GAS7: variants seen among roughly 807,000 people sequenced by gnomAD.
The protein encoded by GAS7 is growth arrest specific 7, also known as growth arrest-specific protein 7.
In GAS7, 28 loss-of-function variants were observed where a neutral mutation model predicts 71.1. The ratio of observed to expected loss-of-function variants is 0.39; its 90% CI spans 0.29 to 0.54. GAS7 has a LOEUF of 0.54. Ranked by LOEUF, GAS7 falls within the 20% of genes least tolerant of loss-of-function variation. GAS7 has a pLI of 0.62. For missense variants in GAS7, 436 were observed against 627.8 expected, an observed-to-expected ratio of 0.69 and a Z score of 3.27; for synonymous variants, 258 against 245.8, an observed-to-expected ratio of 1.05 and a Z score of -0.46.
rs543470653 is a variant in GAS7, at chr17:10,170,745, G to A, written c.183+27463C>T. 7.2e-5 allele frequency among the ~76,000 whole-genome samples: 11 copies of A among 152,316 alleles called. No individual in the cohort carries two copies. In the South Asian group the frequency reaches 1.9e-3, roughly 26 times the overall value. On this transcript the variant is annotated intron_variant, in intron 1 of 13. Transcript: ENST00000432992. The stretch of plus-strand genomic sequence containing the variant: ...GCCCTGCACACGGCTGGCACTGAAC[G>A]AGCGTTTGTTCAGTGAATGAGCCCC...
At chr17:10,163,669 G>A (rs930796513) in intron 1 of GAS7, among the ~76,000 whole-genome samples, 2 of 152,018 alleles carry the variant, frequency 1.3e-5, no homozygotes, top group Non-Finnish European at 2.9e-5. Context: ...CATACTTTGA[G>A]TGCTGACAAG....
At chr17:10,125,985 G>A (rs964771297) in intron 1 of GAS7, among the ~76,000 whole-genome samples, 4 of 152,136 alleles carry the variant, frequency 2.6e-5, no homozygotes, top group African/African-American at 9.7e-5. Flanking sequence ...TGACCACCAC[G>A]GGTGCAACCC....
intron 2 of GAS7, among the ~76,000 whole-genome samples, chr17:10,004,521 C>G (rs1262111219): frequency 6.6e-6 from 1 of 152,120 alleles, no homozygotes; most frequent in African/African-American, 2.4e-5. Context: ...CACACAAGCC[C>G]CAGAATGGCA....
At chr17:9,920,182 AGTGTGTGT>A (rs59320661) in intron 11 of GAS7, among the ~76,000 whole-genome samples, 9 of 141,050 alleles carry the variant, frequency 6.4e-5, no homozygotes, top group Non-Finnish European at 1.3e-4. Context: ...AGATCATGTA[AGTGTGTGT>A]GTGTGTGTGT....
intron 1 of GAS7, among the ~76,000 whole-genome samples, chr17:10,182,579 C>T (rs906684285): frequency 1.3e-5 from 2 of 152,208 alleles, no homozygotes; most frequent in African/African-American, 2.4e-5. Flanking sequence ...TTGGGGTTCA[C>T]CCTGTGACAG....
At chr17:10,141,763 A>G (rs2142097560) in intron 1 of GAS7, among the ~76,000 whole-genome samples, 1 of 152,290 alleles carries the variant, frequency 6.6e-6, no homozygotes, top group South Asian at 2.1e-4. Flanking sequence ...TATGATAGAT[A>G]CCATACAATG....
rs192504741 is a variant in GAS7, at chr17:10,074,190, C to T, written c.184-54293G>A. ...TGGGAGGGGGGTGCTGCCCAAAGGT[C>T]ATCGTAAGGACAGGCTTTCTCCTTG... On this transcript the variant is annotated intron_variant, in intron 1 of 13. Coordinates refer to ENST00000432992, the MANE Select transcript of GAS7 (RefSeq NM_201433.2). Among the ~76,000 whole-genome samples the T allele has an allele frequency of 1.7e-4, 26 of 152,308 alleles. No individual in the cohort carries two copies. The East Asian group carries it at 4.6e-3, about 27-fold the overall frequency.
intron 1 of GAS7, among the ~76,000 whole-genome samples, chr17:10,020,314 G>A (rs1166173031): frequency 6.6e-6 from 1 of 152,182 alleles, no homozygotes; most frequent in Non-Finnish European, 1.5e-5. Context: ...CCCCAGGCTT[G>A]CTGTGCAAAC....
intron 1 of GAS7, among the ~76,000 whole-genome samples, chr17:10,185,286 G>A (rs114754679): frequency 6.6e-6 from 1 of 152,146 alleles, no homozygotes; most frequent in African/African-American, 2.4e-5. Flanking sequence ...GGAGGTGCTA[G>A]GAGAGTCCAG....
At chr17:9,954,158 G>A (rs552827686) in intron 5 of GAS7, among the ~76,000 whole-genome samples, 1 of 152,276 alleles carries the variant, frequency 6.6e-6, no homozygotes, top group East Asian at 1.9e-4. Context: ...CCCTACAGGT[G>A]GGGACCGCGT....
Position 9,915,723 on chromosome 17 carries a change from G to A in GAS7, c.*1505C>T. On this transcript the variant is annotated 3_prime_UTR_variant, in exon 14 of 14. Coordinates refer to ENST00000432992, the MANE Select transcript of GAS7 (RefSeq NM_201433.2). Reference sequence around the variant, plus strand: ...TTCTGCCCTCACTGCAGATGTGCAGGTCAAACCCAAAGTGGTCAATGGGAA... The same window carrying A: ...TTCTGCCCTCACTGCAGATGTGCAGATCAAACCCAAAGTGGTCAATGGGAA... 3 of 230,578 alleles carry A rather than the reference G, an allele frequency of 1.3e-5. No individual in the cohort carries two copies. The highest frequency in any genetic ancestry group is 2.6e-5 in the Non-Finnish European group (3 of 116,402). 14.3% of individuals were successfully genotyped at this position (230,578 alleles called of 1,614,324 possible).
intron 1 of GAS7, among the ~76,000 whole-genome samples, chr17:10,173,585 G>A (rs2904907): frequency 0.082 from 12,472 of 152,032 alleles, 600 homozygotes; most frequent in Admixed American, 0.11. Context: ...TGGCTAACAC[G>A]GTGAAACCCC....
chr17:10,017,360 T>C (rs898098387), intron 2 of GAS7, among the ~76,000 whole-genome samples: 17 of 151,540 alleles, frequency 1.1e-4, no homozygotes, highest in African/African-American at 3.9e-4. Context: ...GACGGAGTCT[T>C]GCTCTGTCAC....
intron 1 of GAS7, among the ~76,000 whole-genome samples, chr17:10,113,646 G>A (rs960361965): frequency 4.6e-5 from 7 of 152,086 alleles, no homozygotes; most frequent in African/African-American, 1.4e-4. Flanking sequence ...CTCACTTCCC[G>A]ACACACGGTT....
intron 6 of GAS7, among the ~76,000 whole-genome samples, chr17:9,944,027 G>A (rs1318883802): frequency 3.3e-5 from 5 of 152,208 alleles, no homozygotes; most frequent in Admixed American, 2.0e-4. Context: ...AACTTGGGGA[G>A]GATGGGCAAG....
intron 1 of GAS7, among the ~76,000 whole-genome samples, chr17:10,138,735 C>A (rs1007532677): frequency 2.0e-5 from 3 of 151,952 alleles, no homozygotes; most frequent in African/African-American, 4.8e-5. Context: ...CCACTGCACT[C>A]CAGCCTGGGC....
At chr17:10,158,563 G>C (rs1184391189) in intron 1 of GAS7, among the ~76,000 whole-genome samples, 1 of 152,018 alleles carries the variant, frequency 6.6e-6, no homozygotes, top group African/African-American at 2.4e-5. Context: ...TTAGAATGAA[G>C]TATACTGCTG....
chr17:10,193,112 G>GA (rs1449694035), intron 1 of GAS7, among the ~76,000 whole-genome samples: 3 of 152,122 alleles, frequency 2.0e-5, no homozygotes, highest in African/African-American at 7.2e-5. Flanking sequence ...CTATGTCTAT[G>GA]AATCATCAGC....
intron 1 of GAS7, among the ~76,000 whole-genome samples, chr17:10,086,983 G>A (rs1432212656): frequency 4.6e-5 from 7 of 152,168 alleles, no homozygotes; most frequent in African/African-American, 1.7e-4. Context: ...AATCTTGAGT[G>A]GCTCCCCAGT....
Sources: allele counts gnomAD v4.1 joint callset (sites outside exome capture counted in the v4.1 genomes callset), GRCh38; gene constraint gnomAD v4.1.1; transcripts MANE v1.5; gene names NCBI Gene and HGNC (gene_info 2026-07-23, HGNC 2026-07-21).